The following ZYG11B variants were observed in gnomAD, a reference collection of about 807,000 sequenced individuals.
ZYG11B encodes the protein protein zyg-11 homolog B.
Under a neutral mutation model 82.4 loss-of-function variants are expected in ZYG11B, and 36 were observed. That is an observed-to-expected ratio of 0.44 (90% CI 0.33 to 0.58). ZYG11B has a LOEUF of 0.58. ZYG11B is among the 20% of genes least tolerant of loss of function. The pLI is 0.02. For missense variants in ZYG11B, 552 were observed against 895.6 expected, an observed-to-expected ratio of 0.62 and a Z score of 4.90; for synonymous variants, 303 against 312.8, an observed-to-expected ratio of 0.97 and a Z score of 0.33.
chr1:52,765,908 A>T (rs1335990447), intron 2 of ZYG11B, among the ~76,000 whole-genome samples: 2 of 151,788 alleles, frequency 1.3e-5, no homozygotes, highest in Non-Finnish European at 2.9e-5. Context: ...TTTTTTTCCC[A>T]TTCTGTTCTT....
chr1:52,807,489 T>G (rs1645150685), intron 10 of ZYG11B, among the ~76,000 whole-genome samples: 1 of 127,644 alleles, frequency 7.8e-6, no homozygotes, highest in African/African-American at 2.9e-5. Flanking sequence ...TTGCTAAGAG[T>G]ACTTTTTTTT....
At chr1:52,802,829 G>T (rs1354915025) in intron 10 of ZYG11B, among the ~76,000 whole-genome samples, 2 of 151,210 alleles carry the variant, frequency 1.3e-5, no homozygotes, top group Non-Finnish European at 2.9e-5. Flanking sequence ...GACCATCCTG[G>T]CTAACACGGT....
chr1:52,732,589 AC>A (rs1316434050), intron 1 of ZYG11B, among the ~76,000 whole-genome samples: 1 of 152,002 alleles, frequency 6.6e-6, no homozygotes, highest in Non-Finnish European at 1.5e-5. Flanking sequence ...AAAAAAAGAC[AC>A]CCCGTCTCTA....
intron 13 of ZYG11B, among the ~76,000 whole-genome samples, chr1:52,820,506 G>A (rs76396045): frequency 0.064 from 9,705 of 151,578 alleles, 467 homozygotes; most frequent in African/African-American, 0.13. Flanking sequence ...AATTTAGCCA[G>A]GTGTGGTGGC....
intron 1 of ZYG11B, among the ~76,000 whole-genome samples, chr1:52,743,423 AAGT>A: frequency 6.6e-6 from 1 of 150,986 alleles, no homozygotes; most frequent in Non-Finnish European, 1.5e-5. Context: ...AAAAAAAAAA[AAGT>A]AAAAGTTCAT....
intron 1 of ZYG11B, among the ~76,000 whole-genome samples, chr1:52,748,625 G>A (rs1009545420): frequency 2.0e-5 from 3 of 152,234 alleles, no homozygotes; most frequent in Admixed American, 2.0e-4. Flanking sequence ...CACTTTGGGA[G>A]TCCGAGGCGG....
At chr1:52,751,543 T>C (rs890052694) in intron 1 of ZYG11B, among the ~76,000 whole-genome samples, 3 of 151,916 alleles carry the variant, frequency 2.0e-5, no homozygotes, top group Non-Finnish European at 4.4e-5. Context: ...GGCAGGAGAA[T>C]CACTGGAACC....
At chr1:52,804,877 A>T (rs1645128480) in intron 10 of ZYG11B, among the ~76,000 whole-genome samples, 1 of 151,968 alleles carries the variant, frequency 6.6e-6, no homozygotes, top group Non-Finnish European at 1.5e-5. Flanking sequence ...AGATCACCTG[A>T]GGTCGGGAGT....
At chr1:52,743,112 A>G (rs1644447415) in intron 1 of ZYG11B, among the ~76,000 whole-genome samples, 1 of 152,066 alleles carries the variant, frequency 6.6e-6, no homozygotes, top group African/African-American at 2.4e-5. Context: ...TGTCGAATAG[A>G]AAAGGGGGAA....
intron 3 of ZYG11B, chr1:52,772,622 C>G: frequency 9.0e-7 from 1 of 1,107,498 alleles, no homozygotes; most frequent in Non-Finnish European, 1.4e-6. Flanking sequence ...GGGACAGGCC[C>G]TTCTCAGGAG....
At chr1:52,766,084 ATTTTTTTCT>A (rs1242411125) in intron 2 of ZYG11B, among the ~76,000 whole-genome samples, 7 of 134,476 alleles carry the variant, frequency 5.2e-5, no homozygotes, top group African/African-American at 1.6e-4. Flanking sequence ...GTCTGTTTTC[ATTTTTTTCT>A]TTTTTTCCTT....
In ZYG11B at chr1:52,821,714, G is replaced by A; in HGVS notation, c.*85G>A. 7.5e-7 allele frequency: 1 copy of A among 1,334,766 alleles called. No homozygotes were observed. Among genetic ancestry groups the A allele is most frequent in the South Asian group, 1.5e-5 (1 of 65,578 alleles). The allele number at this position is 1,334,766 out of a possible 1,614,324, so 82.7% of individuals were successfully genotyped here. A position where few individuals can be genotyped will look rare whatever the true frequency, so the allele number is the denominator to read the frequency against. ...AATATCTTACCCTCCCTGATGTTTT[G>A]GGGGTTTCTATGACAAGAGTCATAA... is the stretch of plus-strand genomic sequence containing the variant. On this transcript the variant is annotated 3_prime_UTR_variant, in exon 14 of 14. Coordinates refer to ENST00000294353, the MANE Select transcript of ZYG11B (RefSeq NM_024646.3).
rs910873000 is a variant in ZYG11B at position 52,770,957 on chromosome 1, A to G, written c.197-63A>G. 11 of 1,527,826 alleles carry G rather than the reference A, an allele frequency of 7.2e-6. No individual in the cohort carries two copies. In the Admixed American group the frequency reaches 9.8e-5, roughly 14 times the overall value. 94.6% of individuals were successfully genotyped at this position (1,527,826 alleles called of 1,614,324 possible). A position where few individuals can be genotyped will look rare whatever the true frequency, so the allele number is the denominator to read the frequency against. On this transcript the variant is annotated intron_variant, in intron 2 of 13. Transcript: ENST00000294353. ...GAGCGCTTTGGAAATGTAAAGTGTG[A>G]TGGAAATTTTGGCTATTCTTTAACT...
Position 52,771,793 on chromosome 1 carries a change from A to G in ZYG11B, c.951+19A>G, listed in dbSNP as rs1302621016. 1 of 1,589,010 alleles carries G rather than the reference A, an allele frequency of 6.3e-7. No individual in the cohort carries two copies. Among genetic ancestry groups the G allele is most frequent in the African/African-American group, 1.4e-5 (1 of 73,864 alleles). On this transcript the variant is annotated intron_variant, in intron 3 of 13. Coordinates refer to ENST00000294353, the MANE Select transcript of ZYG11B (RefSeq NM_024646.3). The surrounding 1 kb of genome is among the most constrained non-coding windows in gnomAD (Gnocchi z 5.4). ...TTTGAAGGTTAGACTTTAAAAATGT[A>G]TTATTTTGTCAGGCTGACCAATATC...
intron 8 of ZYG11B, among the ~76,000 whole-genome samples, chr1:52,797,874 A>G (rs1187957294): frequency 6.6e-6 from 1 of 151,882 alleles, no homozygotes. Flanking sequence ...CTGTAATCCC[A>G]GCACTTTGGG....
intron 13 of ZYG11B, among the ~76,000 whole-genome samples, chr1:52,819,095 G>C (rs935107982): frequency 6.6e-6 from 1 of 152,058 alleles, no homozygotes; most frequent in African/African-American, 2.4e-5. Flanking sequence ...TGTATTGTTT[G>C]ATGAAAACTC....
In ZYG11B at chr1:52,779,972, A is replaced by G. The variant is rs1443063251; in HGVS notation, c.1071A>G (p.Lys357=). Reference sequence around the variant, plus strand: ...TTAGTCTGACTCATGTGATGGAAAAAACAAAGCCAGAAATTTTAAAGGTAA... The same window carrying G: ...TTAGTCTGACTCATGTGATGGAAAAGACAAAGCCAGAAATTTTAAAGGTAA... The part of the protein sequence containing the change: ...HLFSLTHVME[K]TKPEILKLVV... Residue 357 remains lysine (K), a synonymous_variant, in exon 4 of 14, where the codon AAA becomes AAG. Transcript: ENST00000294353. 6.2e-7 allele frequency: 1 copy of G among 1,613,784 alleles called. No homozygotes were observed. Among genetic ancestry groups the G allele is most frequent in the South Asian group, 1.1e-5 (1 of 90,906 alleles).
intron 12 of ZYG11B, 127 bp from the exon 13 acceptor site, chr1:52,816,405 A>G (rs12733669): frequency 0.05 from 32,252 of 645,186 alleles, 1,130 homozygotes; most frequent in African/African-American, 0.14. Context: ...GATATTCTAT[A>G]GCTCATTTAT....
At chr1:52,735,066 C>A (rs1394871565) in intron 1 of ZYG11B, among the ~76,000 whole-genome samples, 1 of 142,132 alleles carries the variant, frequency 7.0e-6, no homozygotes, top group Non-Finnish European at 1.5e-5. Context: ...GAGTTTCTCT[C>A]GTTGCCCAGG....
Sources: gnomAD v4.1 joint callset for allele counts (sites outside exome capture counted in the v4.1 genomes callset) on GRCh38, gnomAD v4.1.1 for gene constraint, Gnocchi (gnomAD v3.1) non-coding constraint, MANE v1.5 for transcripts, NCBI Gene and HGNC (gene_info 2026-07-23, HGNC 2026-07-21) for gene names.